The following TPM1 variants were observed in gnomAD, a reference collection of about 807,000 sequenced individuals.
TPM1 encodes the protein tropomyosin alpha-1 chain.
In TPM1, 24 loss-of-function variants were observed where a neutral mutation model predicts 42.9. That is an observed-to-expected ratio of 0.56 (90% CI 0.41 to 0.79). The LOEUF is 0.79. Ranked by LOEUF, TPM1 falls within the 30% of genes least tolerant of loss-of-function variation. TPM1 has a pLI of 0.00. For synonymous variants in TPM1, 136 were observed against 130.1 expected, an observed-to-expected ratio of 1.05 and a Z score of -0.31; for missense variants, 158 against 351.8, an observed-to-expected ratio of 0.45 and a Z score of 4.41.
At position 63,048,365 on chromosome 15, in the gene TPM1, C is replaced by CCG. The variant is rs1409934509; in HGVS notation, c.240+4221_240+4222dup. 11 of 1,291,966 alleles carry CCG rather than the reference C, an allele frequency of 8.5e-6. No individual in the cohort carries two copies. In the South Asian group the frequency reaches 1.8e-4, roughly 22 times the overall value. 80.0% of individuals were successfully genotyped at this position (1,291,966 alleles called of 1,614,324 possible). The stretch of plus-strand genomic sequence containing the variant: ...GATCCACGGCGCGCGCCCCTCCCAG[C>CCG]CGCGCGCGCCCGCCTGCGGTTTGTC... On this transcript the variant is annotated intron_variant, in intron 2 of 9. Coordinates refer to ENST00000403994, the MANE Select transcript of TPM1 (RefSeq NM_001018005.2).
intron 8 of TPM1, chr15:63,063,442 TG>T (rs1314683496): frequency 2.2e-6 from 2 of 924,548 alleles, no homozygotes; most frequent in Admixed American, 6.2e-5. Context: ...ATATAAAGTG[TG>T]GCGCCCATTG....
rs554540382 is a variant in TPM1 at position 63,048,420 on chromosome 15, A to C, written c.240+4268A>C. On this transcript the variant is annotated intron_variant, in intron 2 of 9. Coordinates refer to ENST00000403994, the MANE Select transcript of TPM1 (RefSeq NM_001018005.2). Reference sequence around the variant, plus strand: ...CAGCCCTGGAGGCTGCGACTTCCGGACTGCTCCTGGCCGCAGGGGGCGCCG... The same window carrying C: ...CAGCCCTGGAGGCTGCGACTTCCGGCCTGCTCCTGGCCGCAGGGGGCGCCG... 2,165 of 1,355,136 alleles carry C rather than the reference A, an allele frequency of 1.6e-3. 25 individuals are homozygous for C. In the African/African-American group the frequency reaches 0.027, roughly 17 times the overall value. The allele number at this position is 1,355,136 out of a possible 1,614,324, so 83.9% of individuals were successfully genotyped here. A position where few individuals can be genotyped will look rare whatever the true frequency, so the allele number is the denominator to read the frequency against.
At position 63,042,868 on chromosome 15, in the gene TPM1, C is replaced by G. The variant is rs1439080260; in HGVS notation, c.39C>G (p.Leu13=). 1 of 1,613,248 alleles carries G rather than the reference C, an allele frequency of 6.2e-7. No individual in the cohort carries two copies. Among genetic ancestry groups the G allele is most frequent in the African/African-American group, 1.3e-5 (1 of 74,908 alleles). Residue 13 remains leucine (L), a synonymous_variant, in exon 1 of 10, where the codon CTC becomes CTG. Transcript: ENST00000403994. ...AGAAGAAGATGCAGATGCTGAAGCT[C>G]GACAAGGAGAACGCCTTGGATCGAG... ...AIKKKMQMLK[L]DKENALDRAE... is the part of the protein sequence containing the mutation.
Position 63,062,274 on chromosome 15 carries a change from G to A in TPM1, c.699G>A (p.Lys233=). 1.2e-6 allele frequency: 2 copies of A among 1,614,112 alleles called. No individual in the cohort carries two copies. Among genetic ancestry groups the A allele is most frequent in the Non-Finnish European group, 1.7e-6 (2 of 1,179,968 alleles). Residue 233 remains lysine (K), a synonymous_variant, in exon 7 of 10, where the codon AAG becomes AAA. Transcript: ENST00000403994. ...EEIKVLSDKL[K]EAETRAEFAE... is the part of the protein sequence containing the mutation. ...TCAAGGTCCTTTCCGACAAGCTGAA[G>A]GAGGTAATATGAGAGTTGTGGATGA...
chr15:63,060,007 T>C (rs1769086782), intron 4 of TPM1: 1 of 342,014 alleles, frequency 2.9e-6, no homozygotes, highest in Non-Finnish European at 5.8e-6. Context: ...GCTCTCATGC[T>C]GTCATGGTGC....
intron 2 of TPM1, chr15:63,048,226 C>T (rs1427630997): frequency 4.2e-6 from 2 of 472,796 alleles, no homozygotes; most frequent in Non-Finnish European, 8.3e-6. Flanking sequence ...GAAGCCAGAG[C>T]CCTAGTGCAG....
chr15:63,060,808 C>T, intron 4 of TPM1, 61 bp from the exon 5 acceptor site: 1 of 1,582,344 alleles, frequency 6.3e-7, no homozygotes, highest in Non-Finnish European at 8.7e-7. Context: ...TACCCCCATG[C>T]CCTTCTGTTA....
Position 63,058,432 on chromosome 15 carries a change from TGTG to T in TPM1, c.375-1126_375-1124del, listed in dbSNP as rs1300911407. On this transcript the variant is annotated intron_variant, in intron 3 of 9. Coordinates refer to ENST00000403994, the MANE Select transcript of TPM1 (RefSeq NM_001018005.2). ...CTTCATCAAAAGATAGTGGGCCAGA[TGTG>T]GTGGCTCACACCTGTAATCCCAGCA... Among the ~76,000 whole-genome samples the T allele has an allele frequency of 2.6e-5, 4 of 152,268 alleles. No individual in the cohort carries two copies. The East Asian group carries it at 5.8e-4, about 22-fold the overall frequency.
downstream of TPM1, among the ~76,000 whole-genome samples, chr15:63,068,948 A>G (rs1406256842): frequency 6.6e-6 from 1 of 151,900 alleles, no homozygotes; most frequent in African/African-American, 2.4e-5. Flanking sequence ...GGAGATTGAG[A>G]CCATTCTGGC....
chr15:63,070,443 G>A (rs1027806089), downstream of TPM1: 3 of 994,676 alleles, frequency 3.0e-6, no homozygotes, highest in Admixed American at 1.7e-4. Context: ...AGGAACTCAT[G>A]CCAGAAGCCC....
intron 1 of TPM1, chr15:63,043,365 G>C (rs1479985082): frequency 1.7e-6 from 1 of 573,000 alleles, no homozygotes; most frequent in East Asian, 4.1e-5. Flanking sequence ...TTGGGGAGGA[G>C]AAGGGAGTCC....
intron 2 of TPM1, chr15:63,049,460 GCTTC>G (rs1271290036): frequency 1.3e-5 from 2 of 152,206 alleles, no homozygotes; most frequent in Non-Finnish European, 2.9e-5. Context: ...GTAATACCTG[GCTTC>G]CTTCCTTTCT....
chr15:63,045,894 T>C (rs1313498362), intron 2 of TPM1: 3 of 152,162 alleles, frequency 2.0e-5, no homozygotes, highest in Non-Finnish European at 4.4e-5. Flanking sequence ...ATATATGGCT[T>C]TTTTGATAGT....
At chr15:63,051,352 GT>G (rs3840027) in intron 2 of TPM1, among the ~76,000 whole-genome samples, 33,440 of 152,118 alleles carry the variant, frequency 0.22, 5,956 homozygotes, top group African/African-American at 0.47. Flanking sequence ...CAGAGTGGCT[GT>G]TAACTGGAAT....
chr15:63,061,673 CT>C, intron 5 of TPM1, 39 bp from the exon 6 acceptor site: 1 of 1,591,754 alleles, frequency 6.3e-7, no homozygotes, highest in Non-Finnish European at 8.6e-7. Flanking sequence ...CTTCCTTTGG[CT>C]TGTCTCCCAC....
At chr15:63,043,791 C>T (rs1357039494) in intron 1 of TPM1, 1 of 1,549,654 alleles carries the variant, frequency 6.5e-7, no homozygotes, top group Non-Finnish European at 8.7e-7. Flanking sequence ...CTGCACAAGG[C>T]GGAGGACAGC....
intron 2 of TPM1, chr15:63,048,095 G>A (rs2032796613): frequency 5.0e-6 from 2 of 403,078 alleles, no homozygotes; most frequent in Non-Finnish European, 4.9e-6. Context: ...CTGGCTCCCG[G>A]GCATGGGAAT....
At chr15:63,061,149 C>G in intron 5 of TPM1, 1 of 1,589,870 alleles carries the variant, frequency 6.3e-7, no homozygotes, top group Non-Finnish European at 8.6e-7. Context: ...GCCTTACCTG[C>G]ACACTGATTT....
intron 8 of TPM1, 73 bp from the exon 9 acceptor site, chr15:63,063,991 A>C: frequency 6.3e-7 from 1 of 1,593,338 alleles, no homozygotes. Context: ...TGCGCGCACC[A>C]CCCTCACTCA....
Sources: allele counts gnomAD v4.1 joint callset (sites outside exome capture counted in the v4.1 genomes callset), GRCh38; gene constraint gnomAD v4.1.1; transcripts MANE v1.5; gene names NCBI Gene and HGNC (gene_info 2026-07-23, HGNC 2026-07-21).